Variants in ANGEL1 observed in about 807,000 individuals in gnomAD.
The protein encoded by ANGEL1 is RNA 2',3'-cyclic phosphatase ANGEL1.
A neutral mutation model predicts 76.4 loss-of-function variants in ANGEL1; 62 were observed. The ratio of observed to expected loss-of-function variants is 0.81; its 90% CI spans 0.66 to 1.00. The LOEUF is 1.00. ANGEL1 is among the 50% of genes least tolerant of loss of function. The probability of loss-of-function intolerance (pLI) is 0.00; values close to 1 mark genes in which losing one functional copy is unlikely to be tolerated. For missense variants in ANGEL1, 737 were observed against 836.7 expected (o/e 0.88, Z 1.47); for synonymous variants, 340 against 331.7 (o/e 1.03, Z -0.27).
At chr14:76,795,555 A>G (rs541350828) in intron 7 of ANGEL1, among the ~76,000 whole-genome samples, 3 of 152,166 alleles carry the variant, frequency 2.0e-5, no homozygotes, top group Non-Finnish European at 4.4e-5. Context: ...TGTGCTTTGT[A>G]ACAATTTAAA....
chr14:76,803,968 C>T lies in ANGEL1; in HGVS notation c.1381-56G>A, dbSNP rs770995316. The T allele has an allele frequency of 1.1e-5, 17 of 1,613,842 alleles. No homozygotes were observed. The East Asian group carries it at 3.3e-4, about 32-fold the overall frequency. ...AAACCAAGATAGAAAAAGGAAGTAA[C>T]AGCCCATGTTTTGGGACATGTGGAC... On this transcript the variant is annotated intron_variant, in intron 5 of 9. Transcript: ENST00000251089.
intron 9 of ANGEL1, 54 bp downstream of exon 9, chr14:76,790,557 T>G (rs1894373372): frequency 6.4e-7 from 1 of 1,562,984 alleles, no homozygotes; most frequent in East Asian, 2.3e-5. Flanking sequence ...TGACCTACCA[T>G]TAGCTGTTCC....
intron 5 of ANGEL1, 117 bp from the exon 6 acceptor site, chr14:76,804,029 G>C: frequency 6.3e-7 from 1 of 1,595,658 alleles, no homozygotes; most frequent in East Asian, 2.2e-5. Context: ...CTACGTACAT[G>C]GTATAAACAA....
In ANGEL1 at chr14:76,806,978, C is replaced by T; in HGVS notation, c.947-129G>A. 4 of 1,080,104 alleles carry T rather than the reference C, an allele frequency of 3.7e-6. No individual in the cohort carries two copies. In the South Asian group the frequency reaches 4.6e-5, roughly 13 times the overall value. 66.9% of individuals were successfully genotyped at this position (1,080,104 alleles called of 1,614,324 possible). A position where few individuals can be genotyped will look rare whatever the true frequency, so the allele number is the denominator to read the frequency against. ...CTGCTACTCAGTAAAGGAGCCTTTGCCACTTCCTTGGTTCAGCAGGTTCCC... is the reference window on the plus strand; with the variant it reads ...CTGCTACTCAGTAAAGGAGCCTTTGTCACTTCCTTGGTTCAGCAGGTTCCC... On this transcript the variant is annotated intron_variant, in intron 4 of 9. Coordinates refer to ENST00000251089, the MANE Select transcript of ANGEL1 (RefSeq NM_015305.4).
At chr14:76,797,627 C>G (rs1353596795) in intron 7 of ANGEL1, among the ~76,000 whole-genome samples, 1 of 152,132 alleles carries the variant, frequency 6.6e-6, no homozygotes, top group African/African-American at 2.4e-5. Context: ...GACCAGATAG[C>G]CTTAGCCTTT....
intron 2 of ANGEL1, 83 bp downstream of exon 2, chr14:76,808,976 T>C (rs938597135): frequency 2.7e-5 from 36 of 1,333,968 alleles, no homozygotes; most frequent in Non-Finnish European, 3.2e-5. Context: ...CTCCCTACCA[T>C]AGAATCTTCT....
At chr14:76,790,057 G>T (rs1894357351) in intron 9 of ANGEL1, among the ~76,000 whole-genome samples, 1 of 152,008 alleles carries the variant, frequency 6.6e-6, no homozygotes, top group South Asian at 2.1e-4. Context: ...TAGAGACGGG[G>T]TTTCATCATG....
chr14:76,812,696 A>G (rs1362126138), intron 1 of ANGEL1, 68 bp downstream of exon 1: 1 of 1,441,402 alleles, frequency 6.9e-7, no homozygotes, highest in African/African-American at 1.5e-5. Flanking sequence ...ACGCCGCCCC[A>G]GGCCCGCGGA....
At chr14:76,789,502 C>G (rs1894335096) in intron 9 of ANGEL1, 114 bp from the exon 10 acceptor site, 2 of 1,181,600 alleles carry the variant, frequency 1.7e-6, no homozygotes, top group Admixed American at 2.3e-5. Context: ...CCTTGGCTGC[C>G]CACTGCCCCT....
At chr14:76,796,718 G>C (rs1254848353) in intron 7 of ANGEL1, among the ~76,000 whole-genome samples, 2 of 152,074 alleles carry the variant, frequency 1.3e-5, no homozygotes, top group Non-Finnish European at 2.9e-5. Flanking sequence ...ATGTTACTTA[G>C]TTATTCTATA....
rs1989376 is a variant in ANGEL1, at chr14:76,786,167, C to T, written c.*3061G>A. 57,774 of 114,128 alleles carry T rather than the reference C, an allele frequency of 0.51. 12,967 individuals are homozygous for T. The highest frequency in any genetic ancestry group is 0.55 in the African/African-American group (15,550 of 28,160). The allele number at this position is 114,128 out of a possible 1,614,324, so 7.1% of individuals were successfully genotyped here. A position where few individuals can be genotyped will look rare whatever the true frequency, so the allele number is the denominator to read the frequency against. ...AGTTTTCTTTCTTTTCTTTTCTTTT[C>T]TTTTTTTTTTTTTGAGATGGAGTTT... On this transcript the variant is annotated 3_prime_UTR_variant, in exon 10 of 10. Coordinates refer to ENST00000251089, the MANE Select transcript of ANGEL1 (RefSeq NM_015305.4).
intron 1 of ANGEL1, among the ~76,000 whole-genome samples, chr14:76,811,160 G>A (rs147848967): frequency 1.4e-4 from 21 of 152,324 alleles, no homozygotes; most frequent in Non-Finnish European, 2.6e-4. Flanking sequence ...AGAGGACAGA[G>A]ACGCTGCTGA....
intron 7 of ANGEL1, among the ~76,000 whole-genome samples, chr14:76,797,440 A>C (rs1484064231): frequency 6.6e-6 from 1 of 152,128 alleles, no homozygotes; most frequent in Non-Finnish European, 1.5e-5. Context: ...CTCTACTAAG[A>C]CTACAAAAAA....
chr14:76,812,848 C>T lies in ANGEL1; in HGVS notation c.-21G>A, dbSNP rs757208426. 1.3e-6 allele frequency: 2 copies of T among 1,502,690 alleles called. No homozygotes were observed. Among genetic ancestry groups the T allele is most frequent in the South Asian group, 1.2e-5 (1 of 80,100 alleles). 93.1% of individuals were successfully genotyped at this position (1,502,690 alleles called of 1,614,324 possible). On this transcript the variant is annotated 5_prime_UTR_variant, in exon 1 of 10. Coordinates refer to ENST00000251089, the MANE Select transcript of ANGEL1 (RefSeq NM_015305.4). ...ATCATGGCCGGCCGCCCGCGCCCGC[C>T]TCCGCTCCTCACTGCAGCCAGCAGG... is the stretch of plus-strand genomic sequence containing the variant.
chr14:76,788,876 G>A lies in ANGEL1; in HGVS notation c.*352C>T, dbSNP rs575588968. On this transcript the variant is annotated 3_prime_UTR_variant, in exon 10 of 10. Transcript: ENST00000251089. ...CAGGTCAGAAGGTACATCAAGAAAC[G>A]GCCTGAAAGCAAATAACCAATGAAA... 9.1e-5 allele frequency: 20 copies of A among 220,794 alleles called. No homozygotes were observed. The highest frequency in any genetic ancestry group is 3.7e-4 in the Admixed American group (7 of 19,134). 13.7% of individuals were successfully genotyped at this position (220,794 alleles called of 1,614,324 possible).
intron 7 of ANGEL1, among the ~76,000 whole-genome samples, chr14:76,802,534 G>A (rs1199341592): frequency 6.6e-6 from 1 of 152,140 alleles, no homozygotes; most frequent in African/African-American, 2.4e-5. Context: ...AGCTCTACAA[G>A]TATCTCATCT....
At position 76,786,390 on chromosome 14, in the gene ANGEL1, G is replaced by C. The variant is rs1198654290; in HGVS notation, c.*2838C>G. On this transcript the variant is annotated 3_prime_UTR_variant, in exon 10 of 10. Transcript: ENST00000251089. ...TTGGTCAGGCTGGTCTGGAACTCTCGACCTCAGGTGATCCACCCGCCTCAG... is the reference window on the plus strand; with the variant it reads ...TTGGTCAGGCTGGTCTGGAACTCTCCACCTCAGGTGATCCACCCGCCTCAG... The C allele has an allele frequency of 1.3e-5, 2 of 152,070 alleles. No homozygotes were observed. Among genetic ancestry groups the C allele is most frequent in the Non-Finnish European group, 2.9e-5 (2 of 68,024 alleles). The allele number at this position is 152,070 out of a possible 1,614,324, so 9.4% of individuals were successfully genotyped here.
rs769148799 is a variant in ANGEL1 at position 76,806,588 on chromosome 14, T to A, written c.1208A>T (p.Lys403Met). The A allele has an allele frequency of 4.3e-6, 7 of 1,614,074 alleles. No individual in the cohort carries two copies. The highest frequency in any genetic ancestry group is 8.5e-7 in the Non-Finnish European group (1 of 1,180,038). The change falls in exon 5 of 10, where the codon AAG becomes ATG. Residue 403 changes from lysine (K) to methionine (M), a missense_variant. Coordinates refer to ENST00000251089, the MANE Select transcript of ANGEL1 (RefSeq NM_015305.4). Reference protein sequence around the residue: ...ILYNPRRGDVKLAQMAILLAE... With the variant: ...ILYNPRRGDVMLAQMAILLAE... ...CAGGAGAATGGCCATCTGGGCCAGC[T>A]TGACATCGCCCCGGCGTGGGTTGTA...
rs1246733652 is a variant in ANGEL1, at chr14:76,809,642, A to G, written c.66T>C (p.Asp22=). 1.2e-6 allele frequency: 2 copies of G among 1,610,254 alleles called. No individual in the cohort carries two copies. Among genetic ancestry groups the G allele is most frequent in the East Asian group, 4.5e-5 (2 of 44,806 alleles). The change falls in exon 2 of 10, where the codon GAT becomes GAC. Residue 22 remains aspartate, a splice_region_variant and synonymous_variant. Coordinates refer to ENST00000251089, the MANE Select transcript of ANGEL1 (RefSeq NM_015305.4). ...CATTTTTTCGACATGTGAAGAAAGC[A>G]TCTAGGAGGAAAGCCAAAATACCAG... ...PATRLFRALS[D]AFFTCRKNVL...
Sources: allele counts gnomAD v4.1 joint callset (sites outside exome capture counted in the v4.1 genomes callset), GRCh38; gene constraint gnomAD v4.1.1; transcripts MANE v1.5; gene names NCBI Gene and HGNC (gene_info 2026-07-23, HGNC 2026-07-21).